Variants in BNC2 observed in about 807,000 individuals in gnomAD.
BNC2 encodes the protein basonuclin zinc finger protein 2.
In BNC2, 20 loss-of-function variants were observed where a neutral mutation model predicts 76.3. The observed-to-expected ratio is 0.26, with a 90% CI of 0.18 to 0.38. BNC2 has a LOEUF of 0.38. Ranked by LOEUF, BNC2 falls within the 10% of genes least tolerant of loss-of-function variation. BNC2 has a pLI of 1.00. For synonymous variants in BNC2, 582 were observed against 514.8 expected (o/e 1.13, Z -1.77); for missense variants, 1,382 against 1,399.8 (o/e 0.99, Z 0.20).
At chr9:16,736,550 A>G (rs1025910750) in intron 2 of BNC2, among the ~76,000 whole-genome samples, 8 of 148,334 alleles carry the variant, frequency 5.4e-5, no homozygotes, top group African/African-American at 2.0e-4. Context: ...ATCTTGGCTC[A>G]CTGCAATCTC....
At chr9:16,567,758 C>T (rs1432706450) in intron 4 of BNC2, among the ~76,000 whole-genome samples, 2 of 152,158 alleles carry the variant, frequency 1.3e-5, no homozygotes, top group African/African-American at 4.8e-5. Context: ...CAGTTGGTTT[C>T]CACAGGAATA....
At chr9:16,865,966 T>C (rs1352082845) in intron 1 of BNC2, among the ~76,000 whole-genome samples, 1 of 152,150 alleles carries the variant, frequency 6.6e-6, no homozygotes, top group Non-Finnish European at 1.5e-5. Flanking sequence ...AATAAAGACT[T>C]TTATTGGCTA....
chr9:16,592,979 A>C (rs1332488118), intron 3 of BNC2, among the ~76,000 whole-genome samples: 5 of 152,200 alleles, frequency 3.3e-5, no homozygotes, highest in South Asian at 2.1e-4. Context: ...AATCCAGTAC[A>C]TCTTTCAAAT....
chr9:16,482,085 T>C (rs4961719), intron 5 of BNC2, among the ~76,000 whole-genome samples: 17,862 of 152,180 alleles, frequency 0.12, 1,385 homozygotes, highest in East Asian at 0.28. Flanking sequence ...CTAAAAACTG[T>C]TGTCAGTAAT....
intron 1 of BNC2, among the ~76,000 whole-genome samples, chr9:16,870,054 G>C (rs1027767884): frequency 6.6e-6 from 1 of 152,178 alleles, no homozygotes; most frequent in African/African-American, 2.4e-5. Context: ...AAGCCTGCGG[G>C]AGCATTTCCT....
chr9:16,556,534 C>T (rs56170891), intron 4 of BNC2, among the ~76,000 whole-genome samples: 20,450 of 151,680 alleles, frequency 0.13, 1,996 homozygotes, highest in South Asian at 0.27. Flanking sequence ...CTTTGGGAGG[C>T]TGAGGCGGGT....
intron 5 of BNC2, among the ~76,000 whole-genome samples, chr9:16,514,696 A>G (rs1400136494): frequency 6.6e-6 from 1 of 152,206 alleles, no homozygotes; most frequent in African/African-American, 2.4e-5. Flanking sequence ...TGTAATAATA[A>G]CATTTTTCTT....
intron 5 of BNC2, among the ~76,000 whole-genome samples, chr9:16,537,577 C>T (rs921116444): frequency 1.3e-4 from 20 of 151,950 alleles, no homozygotes; most frequent in African/African-American, 4.6e-4. Flanking sequence ...TAAATTCTAC[C>T]ATCTTGACTT....
At chr9:16,492,949 T>C (rs72717035) in intron 5 of BNC2, among the ~76,000 whole-genome samples, 1 of 152,008 alleles carries the variant, frequency 6.6e-6, no homozygotes, top group African/African-American at 2.4e-5. Context: ...TGATCATTAG[T>C]ATAAATAACA....
intron 1 of BNC2, among the ~76,000 whole-genome samples, chr9:16,840,659 C>G (rs770505352): frequency 6.6e-6 from 1 of 152,124 alleles, no homozygotes; most frequent in Non-Finnish European, 1.5e-5. Flanking sequence ...AAAAGAATTA[C>G]CAGGTCAAGG....
intron 1 of BNC2, among the ~76,000 whole-genome samples, chr9:16,865,545 T>C (rs1819523759): frequency 6.6e-6 from 1 of 152,198 alleles, no homozygotes; most frequent in Middle Eastern, 3.2e-3. Context: ...TTATCGAACC[T>C]ATTATTTTTT....
chr9:16,805,922 A>G (rs1817898397), intron 1 of BNC2, among the ~76,000 whole-genome samples: 1 of 152,220 alleles, frequency 6.6e-6, no homozygotes, highest in Non-Finnish European at 1.5e-5. Flanking sequence ...ACAAATTTTT[A>G]GTGTAACAGT....
chr9:16,778,912 T>C (rs1826042189), intron 1 of BNC2, among the ~76,000 whole-genome samples: 1 of 152,086 alleles, frequency 6.6e-6, no homozygotes, highest in South Asian at 2.1e-4. Context: ...TTCTGACCCC[T>C]AACATAAAAC....
At chr9:16,730,508 A>T (rs1310061773) in intron 2 of BNC2, among the ~76,000 whole-genome samples, 2 of 152,238 alleles carry the variant, frequency 1.3e-5, no homozygotes, top group Non-Finnish European at 2.9e-5. Flanking sequence ...GAAGCAGTTT[A>T]TTAAGACACC....
At chr9:16,576,207 C>G (rs1819481443) in intron 4 of BNC2, among the ~76,000 whole-genome samples, 1 of 152,202 alleles carries the variant, frequency 6.6e-6, no homozygotes, top group Non-Finnish European at 1.5e-5. Flanking sequence ...GGATAGTCTC[C>G]AAGCCAGAGC....
intron 1 of BNC2, among the ~76,000 whole-genome samples, chr9:16,744,755 A>G (rs1364120347): frequency 1.3e-5 from 2 of 152,210 alleles, no homozygotes; most frequent in Non-Finnish European, 2.9e-5. Flanking sequence ...GGAGAAATAT[A>G]AACTCCCTGT....
At chr9:16,664,186 C>T (rs938423406) in intron 3 of BNC2, among the ~76,000 whole-genome samples, 3 of 152,172 alleles carry the variant, frequency 2.0e-5, no homozygotes, top group Non-Finnish European at 4.4e-5. Flanking sequence ...ATCTCAAACA[C>T]TGAATTTGAT....
At chr9:16,640,537 T>C (rs1821462764) in intron 3 of BNC2, among the ~76,000 whole-genome samples, 1 of 152,232 alleles carries the variant, frequency 6.6e-6, no homozygotes, top group African/African-American at 2.4e-5. Flanking sequence ...CCTGTTCTTA[T>C]TGCACTTCAA....
intron 1 of BNC2, among the ~76,000 whole-genome samples, chr9:16,857,734 G>A (rs1016750600): frequency 3.9e-5 from 6 of 152,072 alleles, no homozygotes; most frequent in Non-Finnish European, 8.8e-5. Flanking sequence ...TAAAATAACT[G>A]GCAAAAGGCC....
Sources: allele counts gnomAD v4.1 joint callset (sites outside exome capture counted in the v4.1 genomes callset), GRCh38; gene constraint gnomAD v4.1.1; transcripts MANE v1.5; gene names NCBI Gene and HGNC (gene_info 2026-07-23, HGNC 2026-07-21).